KCNIP4: variants seen among roughly 807,000 people sequenced by gnomAD.
KCNIP4 encodes the protein Kv channel-interacting protein 4.
Under a neutral mutation model 34.0 loss-of-function variants are expected in KCNIP4, and 12 were observed. That is an observed-to-expected ratio of 0.35 (90% CI 0.23 to 0.57). The LOEUF (loss-of-function observed/expected upper bound fraction) is 0.57. Ranked by LOEUF, KCNIP4 falls within the 20% of genes least tolerant of loss-of-function variation. The pLI is 0.83. For synonymous variants in KCNIP4, 124 were observed against 102.2 expected (o/e 1.21, Z -1.29); for missense variants, 238 against 311.7 (o/e 0.76, Z 1.78).
intron 1 of KCNIP4, among the ~76,000 whole-genome samples, chr4:21,856,987 A>G (rs1332330452): frequency 6.6e-6 from 1 of 152,052 alleles, no homozygotes; most frequent in Non-Finnish European, 1.5e-5. Context: ...TGCTGGCACC[A>G]CTCAGCACAA....
intron 2 of KCNIP4, among the ~76,000 whole-genome samples, chr4:20,880,515 G>A (rs1222439226): frequency 1.3e-5 from 2 of 151,870 alleles, no homozygotes; most frequent in Admixed American, 1.3e-4. Flanking sequence ...TTCCCTCACA[G>A]TTAGTTGAAA....
At chr4:20,756,900 G>A (rs756247683) in intron 4 of KCNIP4, among the ~76,000 whole-genome samples, 3 of 151,986 alleles carry the variant, frequency 2.0e-5, no homozygotes, top group Non-Finnish European at 4.4e-5. Flanking sequence ...CATGGAGCTT[G>A]CAACCTTTTA....
At chr4:20,940,990 T>C (rs1731581783) in intron 1 of KCNIP4, among the ~76,000 whole-genome samples, 1 of 152,182 alleles carries the variant, frequency 6.6e-6, no homozygotes, top group Non-Finnish European at 1.5e-5. Context: ...GCCCATTTCA[T>C]GTTTTTCAAA....
intron 1 of KCNIP4, among the ~76,000 whole-genome samples, chr4:21,564,887 A>G (rs1316600152): frequency 6.6e-6 from 1 of 152,070 alleles, no homozygotes; most frequent in East Asian, 1.9e-4. Flanking sequence ...TAGCAGAGGG[A>G]GAACTCCCTC....
chr4:20,953,179 C>G (rs961008286), intron 1 of KCNIP4, among the ~76,000 whole-genome samples: 8 of 152,208 alleles, frequency 5.3e-5, no homozygotes, highest in African/African-American at 1.9e-4. Flanking sequence ...AACTGTCTTT[C>G]CTTGCAGTCA....
At chr4:21,073,512 C>T (rs1281833023) in intron 1 of KCNIP4, among the ~76,000 whole-genome samples, 4 of 152,192 alleles carry the variant, frequency 2.6e-5, no homozygotes, top group African/African-American at 9.6e-5. Flanking sequence ...GCTGAAGTTG[C>T]TTATCAGCTT....
intron 1 of KCNIP4, among the ~76,000 whole-genome samples, chr4:21,154,872 A>T (rs1211988574): frequency 6.6e-6 from 1 of 152,166 alleles, no homozygotes; most frequent in African/African-American, 2.4e-5. Flanking sequence ...GTGTTTGACC[A>T]TGAGCTGAAC....
At chr4:21,479,899 A>G (rs1160571438) in intron 1 of KCNIP4, among the ~76,000 whole-genome samples, 2 of 151,902 alleles carry the variant, frequency 1.3e-5, no homozygotes, top group East Asian at 3.9e-4. Context: ...TTTAGGCACG[A>G]GAATCATTTA....
chr4:20,973,097 C>T (rs1244060720), intron 1 of KCNIP4, among the ~76,000 whole-genome samples: 1 of 152,150 alleles, frequency 6.6e-6, no homozygotes, highest in Non-Finnish European at 1.5e-5. Context: ...TCAGCGTGTC[C>T]TTTGAAGCTT....
chr4:21,897,350 C>T (rs564154957), intron 1 of KCNIP4, among the ~76,000 whole-genome samples: 119 of 152,122 alleles, frequency 7.8e-4, no homozygotes, highest in African/African-American at 2.5e-3. Flanking sequence ...ATTTACATAC[C>T]AACTTAATTG....
intron 1 of KCNIP4, among the ~76,000 whole-genome samples, chr4:21,365,946 C>T (rs992852812): frequency 2.8e-4 from 43 of 152,174 alleles, no homozygotes; most frequent in Admixed American, 1.7e-3. Context: ...CTCATGCTTA[C>T]CACTCAGGCT....
At chr4:21,846,847 T>G (rs1019790294) in intron 1 of KCNIP4, 1 of 152,116 alleles carries the variant, frequency 6.6e-6, no homozygotes, top group Non-Finnish European at 1.5e-5. Flanking sequence ...GAGCAATACC[T>G]GTTTTTTCCA....
At chr4:20,744,508 A>G (rs1264691369) in intron 5 of KCNIP4, among the ~76,000 whole-genome samples, 4 of 152,138 alleles carry the variant, frequency 2.6e-5, no homozygotes, top group South Asian at 2.1e-4. Context: ...TCAGCAAACT[A>G]TCGCAAGGAC....
At chr4:21,487,740 T>C (rs912023153) in intron 1 of KCNIP4, among the ~76,000 whole-genome samples, 4 of 152,236 alleles carry the variant, frequency 2.6e-5, no homozygotes, top group Admixed American at 1.3e-4. Context: ...TTTTAATATA[T>C]TGGGTTGTAA....
intron 1 of KCNIP4, among the ~76,000 whole-genome samples, chr4:21,659,285 G>A (rs1451856931): frequency 6.6e-6 from 1 of 152,050 alleles, no homozygotes; most frequent in Non-Finnish European, 1.5e-5. Flanking sequence ...TAAATCTTGG[G>A]TTAATTTGAT....
At chr4:20,808,774 G>C (rs1260702583) in intron 3 of KCNIP4, among the ~76,000 whole-genome samples, 1 of 152,032 alleles carries the variant, frequency 6.6e-6, no homozygotes, top group Non-Finnish European at 1.5e-5. Context: ...CTATTAAATA[G>C]GTACACATGA....
At chr4:21,387,676 A>C (rs1722155698) in intron 1 of KCNIP4, among the ~76,000 whole-genome samples, 1 of 152,204 alleles carries the variant, frequency 6.6e-6, no homozygotes. Flanking sequence ...GCTTGGGACT[A>C]TAAGGTTTTG....
intron 1 of KCNIP4, among the ~76,000 whole-genome samples, chr4:20,903,987 G>T (rs1206267108): frequency 6.6e-6 from 1 of 152,040 alleles, no homozygotes; most frequent in Non-Finnish European, 1.5e-5. Context: ...TACTTGATGG[G>T]CTCCCCTCAG....
intron 1 of KCNIP4, among the ~76,000 whole-genome samples, chr4:21,235,748 G>T (rs527703233): frequency 6.6e-6 from 1 of 152,306 alleles, no homozygotes; most frequent in East Asian, 1.9e-4. Flanking sequence ...CACAGTGACT[G>T]TCACATAGCA....
Sources: allele counts gnomAD v4.1 joint callset (sites outside exome capture counted in the v4.1 genomes callset), GRCh38; gene constraint gnomAD v4.1.1; transcripts MANE v1.5; gene names NCBI Gene and HGNC (gene_info 2026-07-23, HGNC 2026-07-21).